The following NSMAF variants were observed in gnomAD, a reference collection of about 807,000 sequenced individuals.
The protein encoded by NSMAF is neutral sphingomyelinase activation associated factor.
Under a neutral mutation model 134.9 loss-of-function variants are expected in NSMAF, and 90 were observed. That is an observed-to-expected ratio of 0.67 (90% CI 0.56 to 0.79). The LOEUF is 0.79. NSMAF is among the 30% of genes least tolerant of loss of function. The probability of loss-of-function intolerance (pLI) is 0.00; values close to 1 mark genes in which losing one functional copy is unlikely to be tolerated. For synonymous variants in NSMAF, 358 were observed against 389.6 expected (o/e 0.92, Z 0.96); for missense variants, 1,010 against 1,119.0 (o/e 0.90, Z 1.39).
chr8:58,609,426 A>C (rs11784708), intron 10 of NSMAF, among the ~76,000 whole-genome samples, 178 bp downstream of exon 10: 3,860 of 152,074 alleles, frequency 0.025, 65 homozygotes, highest in Middle Eastern at 0.071. Flanking sequence ...AACTTCAGAG[A>C]CTACACATCA....
chr8:58,629,646 C>T (rs751656962), intron 6 of NSMAF, among the ~76,000 whole-genome samples: 8 of 151,032 alleles, frequency 5.3e-5, no homozygotes, highest in Admixed American at 1.3e-4. Context: ...ACAACAAAAA[C>T]AATTACCTCT....
At chr8:58,621,478 A>G (rs1359776094) in intron 9 of NSMAF, among the ~76,000 whole-genome samples, 2 of 152,188 alleles carry the variant, frequency 1.3e-5, no homozygotes, top group African/African-American at 2.4e-5. Flanking sequence ...ATACGCAATC[A>G]TGGGACTGCT....
chr8:58,634,619 T>C (rs1350015241), intron 5 of NSMAF, among the ~76,000 whole-genome samples: 1 of 152,224 alleles, frequency 6.6e-6, no homozygotes, highest in Non-Finnish European at 1.5e-5. Context: ...AAGTAGTCCC[T>C]TCTTATTTAC....
chr8:58,658,763 T>A (rs1263969140), intron 1 of NSMAF, among the ~76,000 whole-genome samples: 1 of 152,202 alleles, frequency 6.6e-6, no homozygotes, highest in Non-Finnish European at 1.5e-5. Context: ...GTGAGCTTTC[T>A]TATGAGACTT....
At chr8:58,598,490 CAAAAAAA>C (rs71250204) in intron 19 of NSMAF, among the ~76,000 whole-genome samples, 685 of 125,986 alleles carry the variant, frequency 5.4e-3, no homozygotes, top group African/African-American at 0.02. Context: ...CTGTCTCAAA[CAAAAAAA>C]AAAAAAAAAA....
intron 22 of NSMAF, 110 bp from the exon 23 acceptor site, chr8:58,594,400 C>G: frequency 2.1e-6 from 2 of 962,838 alleles, no homozygotes; most frequent in Non-Finnish European, 3.2e-6. Context: ...TTTTTCTTCA[C>G]AGCATGTCTG....
intron 23 of NSMAF, among the ~76,000 whole-genome samples, chr8:58,592,773 G>A (rs1563524039): frequency 6.6e-6 from 1 of 152,050 alleles, no homozygotes; most frequent in Non-Finnish European, 1.5e-5. Context: ...TGTGAACCCA[G>A]CTACTCAGGA....
intron 12 of NSMAF, 35 bp downstream of exon 12, chr8:58,605,892 A>G (rs1468902204): frequency 1.3e-6 from 2 of 1,520,594 alleles, no homozygotes; most frequent in Non-Finnish European, 1.8e-6. Context: ...AAAAAAAAAA[A>G]AAAAGAAAGA....
At chr8:58,594,455 T>C (rs1296074918) in intron 22 of NSMAF, 165 bp from the exon 23 acceptor site, 3 of 632,718 alleles carry the variant, frequency 4.7e-6, no homozygotes, top group Non-Finnish European at 8.4e-6. Flanking sequence ...AATCACTGCT[T>C]GGCACCTTCT....
At position 58,603,332 on chromosome 8, in the gene NSMAF, C is replaced by A; in HGVS notation, c.923G>T (p.Gly308Val). 2 of 1,614,102 alleles carry A rather than the reference C, an allele frequency of 1.2e-6. No individual in the cohort carries two copies. Among genetic ancestry groups the A allele is most frequent in the Non-Finnish European group, 1.7e-6 (2 of 1,180,016 alleles). Residue 308 changes from glycine to valine, a missense_variant, in exon 13 of 31, where the codon GGA (glycine) becomes GTA (valine). Transcript: ENST00000038176. ...AESYMLQWQR[G>V]HLSNYQYLLH... ...GAGGTACTGATAGTTGGAAAGGTGTCCACGCTGCCACTGCAGCATGTAGCT... is the reference window on the plus strand; with the variant it reads ...GAGGTACTGATAGTTGGAAAGGTGTACACGCTGCCACTGCAGCATGTAGCT...
chr8:58,639,524 C>T (rs1238451811), intron 2 of NSMAF, among the ~76,000 whole-genome samples: 1 of 152,042 alleles, frequency 6.6e-6, no homozygotes, highest in African/African-American at 2.4e-5. Context: ...ATTGGTTTAG[C>T]CATTAAAGAA....
intron 2 of NSMAF, chr8:58,637,525 AG>A (rs1001548432): frequency 1.8e-5 from 6 of 339,288 alleles, no homozygotes; most frequent in African/African-American, 4.3e-5. Flanking sequence ...AAGAAAGAAC[AG>A]GCATCCAAAT....
intron 5 of NSMAF, among the ~76,000 whole-genome samples, chr8:58,633,033 C>T (rs1807091160): frequency 1.3e-5 from 2 of 152,188 alleles, no homozygotes; most frequent in African/African-American, 4.8e-5. Context: ...AATAGGTCTC[C>T]TTGCTTCCAC....
Position 58,583,874 on chromosome 8 carries a change from C to G in NSMAF, c.*232G>C. ...TCATCATACGGGGACGATCATCTGCCTTACAGTGTAACATGTTTTTCCTAA... is the reference window on the plus strand; with the variant it reads ...TCATCATACGGGGACGATCATCTGCGTTACAGTGTAACATGTTTTTCCTAA... On this transcript the variant is annotated 3_prime_UTR_variant, in exon 31 of 31. Coordinates refer to ENST00000038176, the MANE Select transcript of NSMAF (RefSeq NM_003580.4). The G allele has an allele frequency of 1.9e-6, 1 of 523,762 alleles. No individual in the cohort carries two copies. Among genetic ancestry groups the G allele is most frequent in the South Asian group, 2.1e-5 (1 of 48,660 alleles). The allele number at this position is 523,762 out of a possible 1,614,324, so 32.4% of individuals were successfully genotyped here.
chr8:58,659,077 T>G (rs1807790663), intron 1 of NSMAF: 26 of 733,234 alleles, frequency 3.5e-5, no homozygotes, highest in Admixed American at 4.2e-5. Flanking sequence ...TGCGAGTGGG[T>G]GGTCGCCGGC....
intron 12 of NSMAF, among the ~76,000 whole-genome samples, chr8:58,604,803 G>T (rs1764992718): frequency 6.6e-6 from 1 of 152,056 alleles, no homozygotes; most frequent in Non-Finnish European, 1.5e-5. Flanking sequence ...AATTGCAGTG[G>T]TGTGATCACT....
intron 2 of NSMAF, among the ~76,000 whole-genome samples, chr8:58,639,080 C>G (rs984054232): frequency 6.6e-6 from 1 of 151,980 alleles, no homozygotes; most frequent in African/African-American, 2.4e-5. Context: ...ATCAGGAGAT[C>G]GACACCATCC....
chr8:58,608,009 C>T (rs1806447401), intron 10 of NSMAF, among the ~76,000 whole-genome samples, 169 bp from the exon 11 acceptor site: 1 of 152,236 alleles, frequency 6.6e-6, no homozygotes. Flanking sequence ...TTCTGCTCTG[C>T]CATCTTTCAC....
At chr8:58,621,125 G>GC (rs1806779241) in intron 9 of NSMAF, among the ~76,000 whole-genome samples, 1 of 152,054 alleles carries the variant, frequency 6.6e-6, no homozygotes, top group African/African-American at 2.4e-5. Flanking sequence ...AGCAGGCTCA[G>GC]TGTCTATTGT....
Sources: gnomAD v4.1 joint callset for allele counts (sites outside exome capture counted in the v4.1 genomes callset) on GRCh38, gnomAD v4.1.1 for gene constraint, MANE v1.5 for transcripts, NCBI Gene and HGNC (gene_info 2026-07-23, HGNC 2026-07-21) for gene names.